The following EML4 variants were observed in gnomAD, a reference collection of about 807,000 sequenced individuals.
EML4 encodes EMAP like 4.
EML4 carries 72 observed loss-of-function variants against 129.0 expected under a neutral mutation model. That is an observed-to-expected ratio of 0.56 (90% CI 0.46 to 0.68). EML4 has a LOEUF of 0.68. Ranked by LOEUF, EML4 falls within the 30% of genes least tolerant of loss-of-function variation. The pLI is 0.00. For synonymous variants in EML4, 532 were observed against 405.0 expected (o/e 1.31, Z -3.77); for missense variants, 1,363 against 1,190.6 (o/e 1.14, Z -2.13).
chr2:42,329,111 TC>T, intron 22 of EML4, 95 bp downstream of exon 22: 1 of 1,249,428 alleles, frequency 8.0e-7, no homozygotes, highest in Non-Finnish European at 1.1e-6. Context: ...CTGATTCCTC[TC>T]CATGATACTC....
chr2:42,222,189 T>A (rs1182602256), intron 1 of EML4, among the ~76,000 whole-genome samples: 5 of 152,164 alleles, frequency 3.3e-5, no homozygotes, highest in African/African-American at 1.2e-4. Flanking sequence ...AGATAGTTTT[T>A]AAAATTATTT....
intron 6 of EML4, among the ~76,000 whole-genome samples, chr2:42,270,542 T>A (rs1666308265): frequency 6.6e-6 from 1 of 152,196 alleles, no homozygotes; most frequent in Non-Finnish European, 1.5e-5. Flanking sequence ...CAGGCACATT[T>A]AGTCCTAAAA....
intron 17 of EML4, among the ~76,000 whole-genome samples, chr2:42,306,070 A>C (rs1035335824): frequency 1.4e-4 from 21 of 152,324 alleles, no homozygotes; most frequent in South Asian, 8.3e-4. Context: ...GAAATCATTG[A>C]ATTTTTAGAA....
chr2:42,329,414 C>G (rs1302712970), intron 22 of EML4, among the ~76,000 whole-genome samples: 1 of 152,152 alleles, frequency 6.6e-6, no homozygotes, highest in South Asian at 2.1e-4. Flanking sequence ...GTTCCCCTAA[C>G]CATTTCAGAA....
intron 1 of EML4, among the ~76,000 whole-genome samples, chr2:42,192,558 AG>A (rs1198445428): frequency 6.6e-6 from 1 of 152,092 alleles, no homozygotes; most frequent in Non-Finnish European, 1.5e-5. Flanking sequence ...TCTTTTTAAA[AG>A]ACCATATTCT....
chr2:42,169,454 AC>A lies in EML4; in HGVS notation c.-154del, dbSNP rs1670116658. ...GTGGTTCGGGCGGCCGCGGCTTACT[AC>A]CCCAGGGCGAACGGACGGACGACGG... is the stretch of plus-strand genomic sequence containing the variant. On this transcript the variant is annotated 5_prime_UTR_variant, in exon 1 of 23. Transcript: ENST00000318522. The A allele has an allele frequency of 2.6e-6, 2 of 776,210 alleles. No individual in the cohort carries two copies. The highest frequency in any genetic ancestry group is 6.4e-5 in the East Asian group (2 of 31,410). 48.1% of individuals were successfully genotyped at this position (776,210 alleles called of 1,614,324 possible).
chr2:42,238,620 ATTTTTTAT>A (rs1384705320), intron 1 of EML4, among the ~76,000 whole-genome samples: 4 of 111,540 alleles, frequency 3.6e-5, no homozygotes, highest in African/African-American at 1.5e-4. Flanking sequence ...TTATTTTTTT[ATTTTTTAT>A]TTTTTTGGCA....
intron 1 of EML4, among the ~76,000 whole-genome samples, chr2:42,180,172 C>G (rs1419689821): frequency 2.0e-5 from 3 of 152,114 alleles, no homozygotes; most frequent in Non-Finnish European, 4.4e-5. Flanking sequence ...TGGAACTATC[C>G]TGTCTTCCAG....
At chr2:42,327,334 G>A (rs1418059343) in intron 21 of EML4, among the ~76,000 whole-genome samples, 1 of 152,152 alleles carries the variant, frequency 6.6e-6, no homozygotes, top group African/African-American at 2.4e-5. Flanking sequence ...GTGTAGACAT[G>A]TTTTCATTTC....
rs185503678 is a variant in EML4 at position 42,300,960 on chromosome 2, C to T, written c.1490-281C>T. On this transcript the variant is annotated intron_variant, in intron 13 of 22. Coordinates refer to ENST00000318522, the MANE Select transcript of EML4 (RefSeq NM_019063.5). Reference sequence around the variant, plus strand: ...CTGAAACCTATACTATATCCCCTTTCGTCTGTGGAATTATCACTACTTTTG... The same window carrying T: ...CTGAAACCTATACTATATCCCCTTTTGTCTGTGGAATTATCACTACTTTTG... Among the ~76,000 whole-genome samples the T allele has an allele frequency of 1.7e-3, 265 of 152,208 alleles. 1 individual carries two copies. Among genetic ancestry groups the T allele is most frequent in the Non-Finnish European group, 3.1e-3 (213 of 68,008 alleles).
At position 42,302,626 on chromosome 2, in the gene EML4, C is replaced by T. The variant is rs558761184; in HGVS notation, c.1642-478C>T. Among the ~76,000 whole-genome samples, 242 of 151,978 alleles carry T rather than the reference C, an allele frequency of 1.6e-3. 1 individual carries two copies. The highest frequency in any genetic ancestry group is 5.5e-3 in the African/African-American group (228 of 41,452). ...TTGGCTAACTGCAACCTCTGCCTCC[C>T]GGATTCAAGCAATTCTCCTGCCTCA... On this transcript the variant is annotated intron_variant, in intron 14 of 22. Transcript: ENST00000318522.
intron 1 of EML4, among the ~76,000 whole-genome samples, chr2:42,200,237 A>T (rs1462379299): frequency 2.0e-5 from 3 of 151,960 alleles, no homozygotes; most frequent in Non-Finnish European, 4.4e-5. Flanking sequence ...AGGCAGGAGA[A>T]TGGTGTGAAC....
Position 42,301,294 on chromosome 2 carries a change from CTT to C in EML4, c.1545_1546del (p.Cys516SerfsTer23). ...AGCTCATGATGGCAGTGTGTTCACA[CTT>C]TGTCAGATGAGAAATGGGATGTTAT... Reference protein sequence around the residue: ...IKAHDGSVFTLCQMRNGMLLT... With the variant: ...IKAHDGSVFTXCQMRNGMLLT... On this transcript the variant is annotated frameshift_variant, in exon 14 of 23. Coordinates refer to ENST00000318522, the MANE Select transcript of EML4 (RefSeq NM_019063.5). LOFTEE classifies it high-confidence loss of function. 6.2e-7 allele frequency: 1 copy of C among 1,613,086 alleles called. No homozygotes were observed. The highest frequency in any genetic ancestry group is 8.5e-7 in the Non-Finnish European group (1 of 1,179,564).
At chr2:42,328,759 T>C (rs770770104) in intron 21 of EML4, 127 bp from the exon 22 acceptor site, 11 of 690,544 alleles carry the variant, frequency 1.6e-5, no homozygotes, top group Admixed American at 3.6e-5. Flanking sequence ...GTAAAGGAAA[T>C]GTTAACAGCT....
At chr2:42,324,649 G>C (rs1482317526) in intron 19 of EML4, among the ~76,000 whole-genome samples, 1 of 152,196 alleles carries the variant, frequency 6.6e-6, no homozygotes, top group African/African-American at 2.4e-5. Flanking sequence ...AAAAAGCACA[G>C]TAGAAATTAA....
intron 1 of EML4, chr2:42,169,968 A>AC (rs1166262864): frequency 1.1e-5 from 3 of 270,158 alleles, no homozygotes; most frequent in Non-Finnish European, 2.1e-5. Flanking sequence ...CCCTCCACTT[A>AC]CCCCCCTTCA....
chr2:42,234,378 C>T (rs1674530883), intron 1 of EML4, among the ~76,000 whole-genome samples: 1 of 152,176 alleles, frequency 6.6e-6, no homozygotes, highest in South Asian at 2.1e-4. Context: ...ATATTGCTTA[C>T]AACATCGGTG....
chr2:42,266,674 G>A (rs1190108303), intron 6 of EML4, among the ~76,000 whole-genome samples: 1 of 150,230 alleles, frequency 6.7e-6, no homozygotes, highest in Non-Finnish European at 1.5e-5. Context: ...TTTAAATAGA[G>A]TCGGCGGTAT....
intron 6 of EML4, among the ~76,000 whole-genome samples, chr2:42,270,620 T>C (rs956354676): frequency 3.3e-5 from 5 of 152,240 alleles, no homozygotes; most frequent in African/African-American, 4.8e-5. Context: ...GATAAAGATA[T>C]ATAATAGCGG....
Sources: allele counts gnomAD v4.1 joint callset (sites outside exome capture counted in the v4.1 genomes callset), GRCh38; gene constraint gnomAD v4.1.1; transcripts MANE v1.5; gene names NCBI Gene and HGNC (gene_info 2026-07-23, HGNC 2026-07-21).